COL25A1: variants seen among roughly 807,000 people sequenced by gnomAD.
The protein encoded by COL25A1 is collagen type XXV alpha 1 chain, also known as collagen alpha-1(XXV) chain.
A neutral mutation model predicts 128.4 loss-of-function variants in COL25A1; 103 were observed. The ratio of observed to expected loss-of-function variants is 0.80; its 90% CI spans 0.68 to 0.94. COL25A1 has a LOEUF of 0.94. Among genes scored for constraint, COL25A1 ranks in the 40% least tolerant of loss-of-function variants. The pLI is 0.00. For missense variants in COL25A1, 745 were observed against 840.0 expected, an observed-to-expected ratio of 0.89 and a Z score of 1.40; for synonymous variants, 279 against 277.2, an observed-to-expected ratio of 1.01 and a Z score of -0.06.
intron 3 of COL25A1, among the ~76,000 whole-genome samples, chr4:109,129,652 C>A (rs949860925): frequency 5.3e-5 from 8 of 152,192 alleles, no homozygotes; most frequent in African/African-American, 1.9e-4. Context: ...GAAACCTGGG[C>A]CAGGCTAGTC....
intron 5 of COL25A1, among the ~76,000 whole-genome samples, chr4:109,016,970 G>A (rs1054979905): frequency 3.3e-5 from 5 of 152,234 alleles, no homozygotes; most frequent in African/African-American, 1.2e-4. Flanking sequence ...CATTCGCCAT[G>A]TTGCGAGCAC....
At chr4:108,932,753 AG>A (rs538266380) in intron 11 of COL25A1, among the ~76,000 whole-genome samples, 1 of 152,242 alleles carries the variant, frequency 6.6e-6, no homozygotes, top group Non-Finnish European at 1.5e-5. Flanking sequence ...AGAAACAGCA[AG>A]AACATCGAAA....
At chr4:109,122,002 A>C (rs1389904714) in intron 3 of COL25A1, among the ~76,000 whole-genome samples, 2 of 152,126 alleles carry the variant, frequency 1.3e-5, no homozygotes, top group Non-Finnish European at 2.9e-5. Flanking sequence ...ATGCATACTA[A>C]TAAGTGAATG....
intron 16 of COL25A1, among the ~76,000 whole-genome samples, chr4:108,896,008 C>T (rs946930494): frequency 5.5e-5 from 7 of 127,830 alleles, no homozygotes; most frequent in Non-Finnish European, 7.8e-5. Context: ...TGCAGTGGTG[C>T]GATCTCCGCT....
At chr4:109,025,136 C>G (rs2125906783) in intron 5 of COL25A1, among the ~76,000 whole-genome samples, 1 of 152,278 alleles carries the variant, frequency 6.6e-6, no homozygotes, top group Admixed American at 6.5e-5. Context: ...AAACATCTTG[C>G]TTATCCAAGC....
chr4:109,290,580 ATGTC>A, intron 3 of COL25A1, among the ~76,000 whole-genome samples: 1 of 152,180 alleles, frequency 6.6e-6, no homozygotes, highest in East Asian at 1.9e-4. Context: ...AATTGTCAGT[ATGTC>A]TATAGGGGTT....
intron 3 of COL25A1, among the ~76,000 whole-genome samples, chr4:109,069,539 A>G (rs985981206): frequency 6.6e-6 from 1 of 152,214 alleles, no homozygotes; most frequent in African/African-American, 2.4e-5. Context: ...ACTTTTAACT[A>G]CTACTTCAAT....
intron 19 of COL25A1, among the ~76,000 whole-genome samples, chr4:108,877,812 C>T (rs1028318192): frequency 7.9e-5 from 12 of 152,124 alleles, no homozygotes; most frequent in African/African-American, 2.7e-4. Flanking sequence ...CAATGACCAT[C>T]AAAGGTCTCA....
intron 16 of COL25A1, among the ~76,000 whole-genome samples, chr4:108,893,633 GA>G (rs533412629): frequency 1.3e-5 from 2 of 149,726 alleles, no homozygotes; most frequent in African/African-American, 4.9e-5. Flanking sequence ...GAATCAAAAG[GA>G]AAAAAAAATC....
chr4:108,896,112 G>GT (rs1401261227), intron 16 of COL25A1, among the ~76,000 whole-genome samples: 1 of 151,372 alleles, frequency 6.6e-6, no homozygotes, highest in East Asian at 1.9e-4. Flanking sequence ...TGCCCAGCTA[G>GT]TTTTTTTGTA....
intron 3 of COL25A1, among the ~76,000 whole-genome samples, chr4:109,296,975 A>C (rs1446895541): frequency 6.6e-6 from 1 of 152,164 alleles, no homozygotes; most frequent in Non-Finnish European, 1.5e-5. Flanking sequence ...CATAGCAAAG[A>C]GCCAACTTAT....
chr4:109,245,812 T>C (rs1780218116), intron 3 of COL25A1, among the ~76,000 whole-genome samples: 1 of 151,814 alleles, frequency 6.6e-6, no homozygotes, highest in Non-Finnish European at 1.5e-5. Context: ...ACCCCAAAGG[T>C]AGCAGCAAAA....
intron 3 of COL25A1, among the ~76,000 whole-genome samples, chr4:109,255,509 C>T (rs1476890615): frequency 6.6e-6 from 1 of 152,136 alleles, no homozygotes; most frequent in Non-Finnish European, 1.5e-5. Flanking sequence ...TGAATATCTG[C>T]AGTTGGACAG....
At chr4:109,088,835 C>G (rs1345661077) in intron 3 of COL25A1, among the ~76,000 whole-genome samples, 1 of 152,130 alleles carries the variant, frequency 6.6e-6, no homozygotes, top group Middle Eastern at 3.2e-3. Context: ...GGATAGAACC[C>G]AACTGAGTAG....
At chr4:108,825,953 T>C (rs1478405471) in intron 33 of COL25A1, among the ~76,000 whole-genome samples, 3 of 152,200 alleles carry the variant, frequency 2.0e-5, no homozygotes, top group Non-Finnish European at 4.4e-5. Flanking sequence ...TATTGTGTCA[T>C]ATTATGGATC....
intron 5 of COL25A1, among the ~76,000 whole-genome samples, chr4:109,040,226 T>C (rs1759755759): frequency 6.6e-6 from 1 of 152,202 alleles, no homozygotes; most frequent in Admixed American, 6.5e-5. Flanking sequence ...TTATAGTCCA[T>C]GACCCAGTTA....
intron 30 of COL25A1, 123 bp downstream of exon 30, chr4:108,844,396 T>C: frequency 6.6e-7 from 1 of 1,525,236 alleles, no homozygotes; most frequent in South Asian, 1.2e-5. Context: ...CCTGGTATTT[T>C]CCATCCATTC....
intron 23 of COL25A1, 105 bp from the exon 24 acceptor site, chr4:108,859,838 T>C (rs1736965748): frequency 6.7e-6 from 5 of 741,870 alleles, no homozygotes; most frequent in Admixed American, 2.5e-5. Flanking sequence ...TGAATATCAT[T>C]TCCCTACTAA....
Position 109,239,677 on chromosome 4 carries a change from A to G in COL25A1, c.367+60906T>C, listed in dbSNP as rs148081215. On this transcript the variant is annotated intron_variant, in intron 3 of 37. Transcript: ENST00000399132. ...GGGAAGGCCTAGGACATTACTGTAC[A>G]CCACTGTAGGCCTTATAAACACAGT... Among the ~76,000 whole-genome samples the G allele has an allele frequency of 4.2e-3, 645 of 151,820 alleles. 5 individuals are homozygous for G. Among genetic ancestry groups the G allele is most frequent in the African/African-American group, 0.015 (615 of 41,476 alleles).
Sources: gnomAD v4.1 joint callset for allele counts (sites outside exome capture counted in the v4.1 genomes callset) on GRCh38, gnomAD v4.1.1 for gene constraint, MANE v1.5 for transcripts, NCBI Gene and HGNC (gene_info 2026-07-23, HGNC 2026-07-21) for gene names.